Variants in NOL4 observed in about 807,000 individuals in gnomAD.
The protein encoded by NOL4 is cancer/testis antigen 125.
NOL4 carries 17 observed loss-of-function variants against 75.9 expected under a neutral mutation model. That is an observed-to-expected ratio of 0.22 (90% CI 0.15 to 0.34). The LOEUF (loss-of-function observed/expected upper bound fraction) is 0.34. Among genes scored for constraint, NOL4 ranks in the 10% least tolerant of loss-of-function variants. The pLI is 1.00. For missense variants in NOL4, 614 were observed against 793.5 expected, an observed-to-expected ratio of 0.77 and a Z score of 2.72; for synonymous variants, 292 against 289.9, an observed-to-expected ratio of 1.01 and a Z score of -0.07.
chr18:33,956,549 C>T (rs187012960), intron 8 of NOL4, among the ~76,000 whole-genome samples: 11 of 152,140 alleles, frequency 7.2e-5, no homozygotes, highest in East Asian at 5.8e-4. Flanking sequence ...CACAAAATTT[C>T]GAAACTGCTC....
chr18:33,934,051 G>A (rs1030647238), intron 9 of NOL4, among the ~76,000 whole-genome samples: 28 of 152,108 alleles, frequency 1.8e-4, no homozygotes, highest in Admixed American at 9.2e-4. Flanking sequence ...GTGTTGGTTA[G>A]CAGGCATAAA....
chr18:34,087,543 G>A (rs1568324643), intron 5 of NOL4, among the ~76,000 whole-genome samples: 1 of 151,942 alleles, frequency 6.6e-6, no homozygotes, highest in Admixed American at 6.6e-5. Context: ...TCAAATCAAG[G>A]AAGTATGGCA....
At chr18:34,022,678 C>T (rs1025271715) in intron 5 of NOL4, among the ~76,000 whole-genome samples, 1 of 151,684 alleles carries the variant, frequency 6.6e-6, no homozygotes, top group Non-Finnish European at 1.5e-5. Context: ...TTCTAGAATC[C>T]TTTAAAAAAT....
chr18:34,150,349 A>G (rs1307216766), intron 1 of NOL4, among the ~76,000 whole-genome samples: 1 of 151,716 alleles, frequency 6.6e-6, no homozygotes, highest in Non-Finnish European at 1.5e-5. Context: ...GCTTACTATA[A>G]AGCTGTGGTA....
intron 1 of NOL4, among the ~76,000 whole-genome samples, chr18:34,135,228 T>C (rs1204086591): frequency 1.3e-5 from 2 of 152,004 alleles, no homozygotes; most frequent in African/African-American, 4.8e-5. Context: ...AAAAGAAGGA[T>C]CATTATTGAC....
chr18:33,926,840 C>T lies in NOL4; in HGVS notation c.1542+16225G>A, dbSNP rs984578163. 6.6e-5 allele frequency among the ~76,000 whole-genome samples: 10 copies of T among 152,088 alleles called. No individual in the cohort carries two copies. In the East Asian group the frequency reaches 7.7e-4, roughly 12 times the overall value. On this transcript the variant is annotated intron_variant, in intron 9 of 10. Coordinates refer to ENST00000261592, the MANE Select transcript of NOL4 (RefSeq NM_003787.5). ...GTCTCAATCTCTTGACCTCGTGGTC[C>T]GCCCTCCTTGGCCTCCCAAAGTGCT...
intron 4 of NOL4, among the ~76,000 whole-genome samples, chr18:34,093,844 C>G (rs1054148730): frequency 5.9e-5 from 9 of 152,124 alleles, no homozygotes; most frequent in African/African-American, 1.9e-4. Flanking sequence ...TCGAGACCAT[C>G]CTGGCTAACA....
intron 6 of NOL4, among the ~76,000 whole-genome samples, chr18:33,971,064 A>G (rs1313308699): frequency 6.6e-6 from 1 of 152,172 alleles, no homozygotes; most frequent in African/African-American, 2.4e-5. Flanking sequence ...TACAAATCCT[A>G]CATTTTGTAT....
chr18:33,892,162 C>T (rs1412398083), intron 9 of NOL4, among the ~76,000 whole-genome samples: 2 of 151,986 alleles, frequency 1.3e-5, no homozygotes, highest in Admixed American at 6.6e-5. Context: ...CAGTTGCAGT[C>T]GCTCATGCCT....
intron 9 of NOL4, among the ~76,000 whole-genome samples, chr18:33,912,530 A>T (rs1405952569): frequency 1.3e-5 from 2 of 152,074 alleles, no homozygotes; most frequent in Admixed American, 6.6e-5. Flanking sequence ...TGATAGAAAA[A>T]GATAATCTAA....
intron 1 of NOL4, among the ~76,000 whole-genome samples, chr18:34,136,046 T>A (rs1316102759): frequency 1.3e-5 from 2 of 152,168 alleles, no homozygotes; most frequent in Admixed American, 6.5e-5. Flanking sequence ...TGAAATGAAT[T>A]AATTTAATAT....
chr18:34,119,810 G>A lies in NOL4; in HGVS notation c.414+10061C>T, dbSNP rs561330324. Among the ~76,000 whole-genome samples, 7 of 152,062 alleles carry A rather than the reference G, an allele frequency of 4.6e-5. No individual in the cohort carries two copies. The South Asian group carries it at 1.5e-3, about 32-fold the overall frequency. ...CTAATTTTTTTGTACTTTTAGTAGA[G>A]ACGGGGTTTCACAGTGTTAGCCAGG... On this transcript the variant is annotated intron_variant, in intron 2 of 10. Coordinates refer to ENST00000261592, the MANE Select transcript of NOL4 (RefSeq NM_003787.5).
intron 6 of NOL4, among the ~76,000 whole-genome samples, chr18:34,011,635 GC>G (rs1377634916): frequency 6.6e-6 from 1 of 150,606 alleles, no homozygotes; most frequent in Non-Finnish European, 1.5e-5. Context: ...ACACACTTAA[GC>G]AAAAAATAAA....
At chr18:33,944,480 C>T (rs78859835) in intron 8 of NOL4, among the ~76,000 whole-genome samples, 408 of 151,962 alleles carry the variant, frequency 2.7e-3, no homozygotes, top group African/African-American at 9.4e-3. Context: ...TCTGCAGCTG[C>T]CTTAGCAGAC....
intron 9 of NOL4, among the ~76,000 whole-genome samples, chr18:33,939,964 C>T (rs1364638504): frequency 2.6e-5 from 4 of 152,104 alleles, no homozygotes; most frequent in South Asian, 2.1e-4. Context: ...CTCATCATCA[C>T]TGATCATTAG....
intron 2 of NOL4, among the ~76,000 whole-genome samples, 192 bp downstream of exon 2, chr18:34,129,679 A>G (rs2080546152): frequency 6.6e-6 from 1 of 151,902 alleles, no homozygotes; most frequent in Non-Finnish European, 1.5e-5. Flanking sequence ...TTCTAGAGAC[A>G]GTTTTAAATT....
intron 6 of NOL4, among the ~76,000 whole-genome samples, chr18:33,970,447 C>A (rs1381747090): frequency 6.6e-6 from 1 of 151,974 alleles, no homozygotes; most frequent in Admixed American, 6.6e-5. Flanking sequence ...TTATGCCAGT[C>A]TTTCATTATT....
chr18:34,074,965 C>T (rs536216825), intron 5 of NOL4, among the ~76,000 whole-genome samples: 2 of 152,182 alleles, frequency 1.3e-5, no homozygotes, highest in Admixed American at 6.5e-5. Context: ...AAATGTCTGG[C>T]TCATAGTAAG....
chr18:34,036,038 C>T (rs553312975), intron 5 of NOL4, among the ~76,000 whole-genome samples: 6 of 151,914 alleles, frequency 3.9e-5, no homozygotes, highest in African/African-American at 1.5e-4. Context: ...ATGAATTCCA[C>T]CAAAGATATA....
Sources: gnomAD v4.1 joint callset for allele counts (sites outside exome capture counted in the v4.1 genomes callset) on GRCh38, gnomAD v4.1.1 for gene constraint, MANE v1.5 for transcripts, NCBI Gene and HGNC (gene_info 2026-07-23, HGNC 2026-07-21) for gene names.